Variants in NSMAF observed in about 807,000 individuals in gnomAD.
The protein encoded by NSMAF is protein FAN.
Under a neutral mutation model 134.9 loss-of-function variants are expected in NSMAF, and 90 were observed. The observed-to-expected ratio is 0.67, with a 90% CI of 0.56 to 0.79. The LOEUF is 0.79. Ranked by LOEUF, NSMAF falls within the 30% of genes least tolerant of loss-of-function variation. The pLI, the probability that NSMAF is intolerant of heterozygous loss-of-function variation, is 0.00. For missense variants in NSMAF, 1,010 were observed against 1,119.0 expected (o/e 0.90, Z 1.39); for synonymous variants, 358 against 389.6 (o/e 0.92, Z 0.96).
At chr8:58,600,612 ACT>A in intron 16 of NSMAF, among the ~76,000 whole-genome samples, 1 of 117,006 alleles carries the variant, frequency 8.5e-6, no homozygotes, top group Middle Eastern at 5.2e-3. Flanking sequence ...ACAGAGCAAG[ACT>A]CTGTCTCAAA....
At chr8:58,659,086 G>A in intron 1 of NSMAF, 1 of 886,122 alleles carries the variant, frequency 1.1e-6, no homozygotes. Context: ...GTGGTCGCCG[G>A]CCTGCTCGGT....
Position 58,585,888 on chromosome 8 carries a change from C to G in NSMAF, c.2549+10G>C. 6.2e-7 allele frequency: 1 copy of G among 1,611,134 alleles called. No individual in the cohort carries two copies. Among genetic ancestry groups the G allele is most frequent in the Non-Finnish European group, 8.5e-7 (1 of 1,177,476 alleles). The stretch of plus-strand genomic sequence containing the variant: ...AAATGTCTTCGCCCCCAGTAACTCA[C>G]AAACTATACCTCTGGGGCTCATCTG... On this transcript the variant is annotated intron_variant, in intron 29 of 30. Transcript: ENST00000038176.
chr8:58,659,092 T>G, intron 1 of NSMAF: 21 of 751,096 alleles, frequency 2.8e-5, no homozygotes, highest in East Asian at 4.7e-5. Flanking sequence ...GCCGGCCTGC[T>G]CGGTGCCGCC....
At chr8:58,597,277 A>T in intron 21 of NSMAF, 110 bp downstream of exon 21, 1 of 969,222 alleles carries the variant, frequency 1.0e-6, no homozygotes, top group Admixed American at 2.3e-5. Context: ...AGGAGAACAC[A>T]ATCATCTCTA....
intron 1 of NSMAF, among the ~76,000 whole-genome samples, chr8:58,656,790 A>C (rs1395666233): frequency 2.0e-5 from 3 of 152,176 alleles, no homozygotes; most frequent in African/African-American, 7.2e-5. Flanking sequence ...AGATCACGCC[A>C]CTGCACTCCA....
At position 58,625,337 on chromosome 8, in the gene NSMAF, C is replaced by T. The variant is rs182237585; in HGVS notation, c.385-1557G>A. Among the ~76,000 whole-genome samples, 373 of 151,838 alleles carry T rather than the reference C, an allele frequency of 2.5e-3. 2 individuals carry two copies. Among genetic ancestry groups the T allele is most frequent in the Non-Finnish European group, 4.0e-3 (273 of 67,956 alleles). ...ATCAATTTCTCTCTCTGTATATATA[C>T]ATATATACAGCAATATACCCCTAGA... On this transcript the variant is annotated intron_variant, in intron 6 of 30. Transcript: ENST00000038176.
At chr8:58,586,351 G>A (rs1236197778) in intron 28 of NSMAF, 107 bp downstream of exon 28, 1 of 1,130,582 alleles carries the variant, frequency 8.8e-7, no homozygotes, top group Non-Finnish European at 1.3e-6. Flanking sequence ...TCAGCAAATA[G>A]TGTTTTTCTT....
At chr8:58,627,342 A>G (rs1312680603) in intron 6 of NSMAF, among the ~76,000 whole-genome samples, 1 of 152,208 alleles carries the variant, frequency 6.6e-6, no homozygotes, top group African/African-American at 2.4e-5. Flanking sequence ...TCTATTCAAC[A>G]TAGTAATGGA....
rs543311147 is a variant in NSMAF at position 58,635,243 on chromosome 8, G to A, written c.297-18C>T. 1.5e-3 allele frequency: 2,348 copies of A among 1,610,570 alleles called. 60 individuals are homozygous for A. In the South Asian group the frequency reaches 0.025, roughly 17 times the overall value. On this transcript the variant is annotated intron_variant, in intron 4 of 30. Coordinates refer to ENST00000038176, the MANE Select transcript of NSMAF (RefSeq NM_003580.4). ...ATTTTGCCCTAAAATACAGATAAAA[G>A]TCATTAAATATATACAGCTTTTTGG...
chr8:58,591,258 G>A (rs1043234544), intron 23 of NSMAF, among the ~76,000 whole-genome samples: 32 of 151,982 alleles, frequency 2.1e-4, no homozygotes, highest in Admixed American at 6.6e-5. Flanking sequence ...GAGGAAAATA[G>A]CAATTTTAAT....
intron 6 of NSMAF, among the ~76,000 whole-genome samples, chr8:58,630,363 T>C (rs13253245): frequency 0.016 from 2,486 of 152,166 alleles, 47 homozygotes; most frequent in Non-Finnish European, 0.024. Flanking sequence ...ATAATTCACA[T>C]TGGAACAAAA....
chr8:58,631,780 C>A (rs1425576676), intron 5 of NSMAF, among the ~76,000 whole-genome samples: 2 of 151,954 alleles, frequency 1.3e-5, no homozygotes, highest in African/African-American at 4.8e-5. Context: ...GCAACAATTA[C>A]AAGATAAATA....
At chr8:58,626,093 T>G (rs867678194) in intron 6 of NSMAF, among the ~76,000 whole-genome samples, 29,668 of 116,526 alleles carry the variant, frequency 0.25, 4,391 homozygotes, top group Non-Finnish European at 0.32. Flanking sequence ...ATATAATTCT[T>G]TTTTTTTTTT....
chr8:58,584,417 G>A (rs1003687476), intron 30 of NSMAF, among the ~76,000 whole-genome samples: 2 of 152,184 alleles, frequency 1.3e-5, no homozygotes, highest in Admixed American at 1.3e-4. Context: ...CCATTTAAGT[G>A]TAAATCTAAA....
rs1251442770 is a variant in NSMAF, at chr8:58,623,692, A to G, written c.456+17T>C. The stretch of plus-strand genomic sequence containing the variant: ...TGCCTCAGTTTGCTTTGAATTTTCT[A>G]CCCAGCAAGTGCTTACCTGAAGCAA... On this transcript the variant is annotated intron_variant, in intron 7 of 30. Coordinates refer to ENST00000038176, the MANE Select transcript of NSMAF (RefSeq NM_003580.4). The G allele has an allele frequency of 1.2e-6, 2 of 1,607,364 alleles. No homozygotes were observed. The highest frequency in any genetic ancestry group is 3.4e-5 in the Admixed American group (2 of 59,294).
At chr8:58,592,902 C>CAAAAAAAAAAAAAAAA (rs1194341835) in intron 23 of NSMAF, among the ~76,000 whole-genome samples, 1 of 114,398 alleles carries the variant, frequency 8.7e-6, no homozygotes, top group African/African-American at 4.8e-5. Context: ...AAAACAAAAA[C>CAAAAAAAAAAAAAAAA]AAAAACAACA....
chr8:58,588,240 A>T (rs1805935774), intron 26 of NSMAF, among the ~76,000 whole-genome samples: 1 of 152,212 alleles, frequency 6.6e-6, no homozygotes, highest in Non-Finnish European at 1.5e-5. Context: ...ACATATTCCT[A>T]CATCGAAAGA....
chr8:58,590,299 T>G (rs1479779456), intron 24 of NSMAF, among the ~76,000 whole-genome samples: 2 of 152,166 alleles, frequency 1.3e-5, no homozygotes, highest in African/African-American at 4.8e-5. Flanking sequence ...CGACCTAGCC[T>G]GATGACTCTC....
intron 6 of NSMAF, among the ~76,000 whole-genome samples, chr8:58,625,916 A>T (rs564806726): frequency 5.6e-4 from 85 of 151,584 alleles, no homozygotes; most frequent in East Asian, 1.9e-3. Flanking sequence ...CATTTTTTTT[A>T]AAATTTATTT....
Sources: gnomAD v4.1 joint callset for allele counts (sites outside exome capture counted in the v4.1 genomes callset) on GRCh38, gnomAD v4.1.1 for gene constraint, MANE v1.5 for transcripts, NCBI Gene and HGNC (gene_info 2026-07-23, HGNC 2026-07-21) for gene names.